PDE10A: variants seen among roughly 807,000 people sequenced by gnomAD.
PDE10A encodes phosphodiesterase 10A, also known as cAMP and cAMP-inhibited cGMP 3',5'-cyclic phosphodiesterase 10A.
In PDE10A, 39 loss-of-function variants were observed where a neutral mutation model predicts 97.7. That is an observed-to-expected ratio of 0.40 (90% CI 0.31 to 0.52). The LOEUF (loss-of-function observed/expected upper bound fraction) is 0.52. Ranked by LOEUF, PDE10A falls within the 20% of genes least tolerant of loss-of-function variation. The pLI is 0.56. For missense variants in PDE10A, 731 were observed against 1,047.8 expected, an observed-to-expected ratio of 0.70 and a Z score of 4.17; for synonymous variants, 371 against 376.8, an observed-to-expected ratio of 0.98 and a Z score of 0.18.
At chr6:165,707,259 G>C (rs1228938001) in intron 1 of PDE10A, among the ~76,000 whole-genome samples, 1 of 152,172 alleles carries the variant, frequency 6.6e-6, no homozygotes, top group Admixed American at 6.5e-5. Context: ...TGGTCCCCAG[G>C]GGATGGGTGG....
At chr6:165,943,290 A>G (rs796352707) in intron 1 of PDE10A, among the ~76,000 whole-genome samples, 11,986 of 78,836 alleles carry the variant, frequency 0.15, 2,008 homozygotes, top group African/African-American at 0.33. Flanking sequence ...AAAGAAAGAA[A>G]GAAGGAAAGA....
At chr6:165,429,630 G>A (rs188454569) in intron 9 of PDE10A, among the ~76,000 whole-genome samples, 1 of 152,124 alleles carries the variant, frequency 6.6e-6, no homozygotes, top group Non-Finnish European at 1.5e-5. Flanking sequence ...TAGTGAACTT[G>A]TAGGAGGACA....
chr6:165,946,967 T>A (rs1225420498), intron 1 of PDE10A: 1 of 152,222 alleles, frequency 6.6e-6, no homozygotes, highest in African/African-American at 2.4e-5. Flanking sequence ...TCATCTTATA[T>A]AATATCTAGT....
At chr6:165,440,057 GAA>G (rs199891521) in intron 5 of PDE10A, among the ~76,000 whole-genome samples, 3 of 150,586 alleles carry the variant, frequency 2.0e-5, no homozygotes, top group Non-Finnish European at 4.4e-5. Context: ...TTCTTAAGAA[GAA>G]AAAAAAAGTA....
chr6:165,817,002 C>T (rs1779435813), intron 1 of PDE10A, among the ~76,000 whole-genome samples: 1 of 152,146 alleles, frequency 6.6e-6, no homozygotes, highest in Non-Finnish European at 1.5e-5. Context: ...TGGAACCTAA[C>T]ATCACCCAGT....
At chr6:165,414,576 C>G (rs1788168988) in intron 12 of PDE10A, among the ~76,000 whole-genome samples, 2 of 152,262 alleles carry the variant, frequency 1.3e-5, no homozygotes, top group East Asian at 3.9e-4. Flanking sequence ...AGTTAATGGA[C>G]AATATTATTT....
At chr6:165,534,722 A>T (rs1192174700) in intron 2 of PDE10A, among the ~76,000 whole-genome samples, 1 of 151,976 alleles carries the variant, frequency 6.6e-6, no homozygotes, top group East Asian at 1.9e-4. Flanking sequence ...ATAGATGCTG[A>T]AAAAGCATTC....
At chr6:165,400,602 G>A (rs1786576639) in intron 13 of PDE10A, among the ~76,000 whole-genome samples, 2 of 152,184 alleles carry the variant, frequency 1.3e-5, no homozygotes. Flanking sequence ...AACACATGCT[G>A]TGATTTATGG....
chr6:165,888,997 T>C (rs1364807637), intron 1 of PDE10A, among the ~76,000 whole-genome samples: 1 of 144,700 alleles, frequency 6.9e-6, no homozygotes, highest in African/African-American at 2.7e-5. Flanking sequence ...TTAAAATTCC[T>C]GATCTTGCAT....
chr6:165,384,074 A>AGAGG (rs1162818474), intron 17 of PDE10A, among the ~76,000 whole-genome samples: 1 of 152,216 alleles, frequency 6.6e-6, no homozygotes, highest in African/African-American at 2.4e-5. Flanking sequence ...AAATTATTCC[A>AGAGG]GAGGCCCCAG....
intron 1 of PDE10A, among the ~76,000 whole-genome samples, chr6:165,877,276 T>C (rs983022989): frequency 6.6e-6 from 1 of 152,236 alleles, no homozygotes; most frequent in African/African-American, 2.4e-5. Flanking sequence ...TAGGATTTGA[T>C]GCATTCGGAC....
At chr6:165,359,194 T>C (rs920368229) in intron 18 of PDE10A, among the ~76,000 whole-genome samples, 1 of 152,184 alleles carries the variant, frequency 6.6e-6, no homozygotes, top group African/African-American at 2.4e-5. Context: ...TTTATCTACA[T>C]ATTTGCTACT....
chr6:165,434,613 A>G (rs1789862177), intron 6 of PDE10A, among the ~76,000 whole-genome samples: 1 of 152,166 alleles, frequency 6.6e-6, no homozygotes, highest in African/African-American at 2.4e-5. Flanking sequence ...AATTTGATGT[A>G]AGCAGTGGCT....
chr6:165,455,207 C>T (rs994509428), intron 3 of PDE10A, among the ~76,000 whole-genome samples: 1 of 152,020 alleles, frequency 6.6e-6, no homozygotes, highest in Admixed American at 6.5e-5. Flanking sequence ...GCAGCACTAA[C>T]TATTAAGAGA....
chr6:165,843,059 A>G (rs987994282), intron 1 of PDE10A, among the ~76,000 whole-genome samples: 1 of 152,226 alleles, frequency 6.6e-6, no homozygotes, highest in African/African-American at 2.4e-5. Context: ...ATACACTGTG[A>G]GGCCCCGCTG....
chr6:165,396,919 A>C (rs575797504), intron 13 of PDE10A, among the ~76,000 whole-genome samples: 1 of 152,306 alleles, frequency 6.6e-6, no homozygotes, highest in Non-Finnish European at 1.5e-5. Flanking sequence ...AGGTTTTATC[A>C]TCATTACCTT....
At chr6:165,450,676 C>T (rs908631435) in intron 3 of PDE10A, among the ~76,000 whole-genome samples, 2 of 152,022 alleles carry the variant, frequency 1.3e-5, no homozygotes, top group Non-Finnish European at 2.9e-5. Context: ...CCACCTCAGC[C>T]TCCCAAGCAG....
chr6:165,506,398 TA>T (rs1286986187), intron 2 of PDE10A, among the ~76,000 whole-genome samples: 1 of 152,150 alleles, frequency 6.6e-6, no homozygotes, highest in East Asian at 1.9e-4. Context: ...CTCCCCACTT[TA>T]AAAATGTTGA....
intron 1 of PDE10A, among the ~76,000 whole-genome samples, chr6:165,809,222 C>T (rs983864214): frequency 2.6e-5 from 4 of 152,178 alleles, no homozygotes; most frequent in African/African-American, 9.7e-5. Context: ...CTGGTGCCCC[C>T]CTTCATCCTC....
Sources: gnomAD v4.1 joint callset for allele counts (sites outside exome capture counted in the v4.1 genomes callset) on GRCh38, gnomAD v4.1.1 for gene constraint, MANE v1.5 for transcripts, NCBI Gene and HGNC (gene_info 2026-07-23, HGNC 2026-07-21) for gene names.